The following HCN1 variants were observed in gnomAD, a reference collection of about 807,000 sequenced individuals.
The protein encoded by HCN1 is potassium/sodium hyperpolarization-activated cyclic nucleotide-gated channel 1.
In HCN1, 13 loss-of-function variants were observed where a neutral mutation model predicts 78.9. That is an observed-to-expected ratio of 0.16 (90% CI 0.11 to 0.26). The LOEUF (loss-of-function observed/expected upper bound fraction) is 0.26, where lower values mean the gene tolerates loss of function less well. Among genes scored for constraint, HCN1 ranks in the 10% least tolerant of loss-of-function variants. HCN1 has a pLI of 1.00. For missense variants in HCN1, 810 were observed against 1,154.3 expected, an observed-to-expected ratio of 0.70 and a Z score of 4.32; for synonymous variants, 552 against 455.5, an observed-to-expected ratio of 1.21 and a Z score of -2.70.
chr5:45,594,101 C>A (rs578025542), intron 2 of HCN1, among the ~76,000 whole-genome samples: 1 of 152,166 alleles, frequency 6.6e-6, no homozygotes, highest in Non-Finnish European at 1.5e-5. Context: ...TGGCAATTTA[C>A]TAAATGGTTT....
At chr5:45,677,533 A>C (rs1161498328) in intron 1 of HCN1, among the ~76,000 whole-genome samples, 2 of 151,854 alleles carry the variant, frequency 1.3e-5, no homozygotes, top group Non-Finnish European at 2.9e-5. Context: ...AAATTCTAGG[A>C]AGTGTGTGTT....
At position 45,349,286 on chromosome 5, in the gene HCN1, C is replaced by A. The variant is rs942975916; in HGVS notation, c.1377+3814G>T. On this transcript the variant is annotated intron_variant, in intron 5 of 7. Transcript: ENST00000303230. ...TCCTGAATGACTACTGGGTACATAACGAAATGAAGGCAGAAATAAAGATGT... is the reference window on the plus strand; with the variant it reads ...TCCTGAATGACTACTGGGTACATAAAGAAATGAAGGCAGAAATAAAGATGT... 7.9e-5 allele frequency among the ~76,000 whole-genome samples: 12 copies of A among 152,014 alleles called. 1 individual carries two copies. The highest frequency in any genetic ancestry group is 1.5e-4 in the Non-Finnish European group (10 of 67,998).
At chr5:45,270,995 G>T (rs1203055138) in intron 6 of HCN1, among the ~76,000 whole-genome samples, 1 of 151,756 alleles carries the variant, frequency 6.6e-6, no homozygotes, top group African/African-American at 2.4e-5. Flanking sequence ...CATAGTATAG[G>T]TACACATTAC....
intron 2 of HCN1, among the ~76,000 whole-genome samples, chr5:45,478,149 G>T (rs1579919375): frequency 6.6e-6 from 1 of 151,614 alleles, no homozygotes; most frequent in East Asian, 1.9e-4. Flanking sequence ...GAGACACTCT[G>T]TCAAAAAAAA....
At chr5:45,523,050 T>G (rs1261077746) in intron 2 of HCN1, among the ~76,000 whole-genome samples, 1 of 143,922 alleles carries the variant, frequency 6.9e-6, no homozygotes, top group Non-Finnish European at 1.5e-5. Context: ...GATGTTCCCC[T>G]TCCTGTGTCC....
chr5:45,334,424 T>C (rs1746410478), intron 5 of HCN1, among the ~76,000 whole-genome samples: 2 of 151,874 alleles, frequency 1.3e-5, no homozygotes, highest in South Asian at 2.1e-4. Flanking sequence ...GAACACACTT[T>C]TTTTTTTCTC....
chr5:45,639,567 T>A (rs1278022309), intron 2 of HCN1, among the ~76,000 whole-genome samples: 1 of 152,170 alleles, frequency 6.6e-6, no homozygotes, highest in Admixed American at 6.5e-5. Flanking sequence ...CATACCATCA[T>A]AAAAATTGAA....
chr5:45,493,898 A>G (rs1356093392), intron 2 of HCN1, among the ~76,000 whole-genome samples: 3 of 151,648 alleles, frequency 2.0e-5, no homozygotes, highest in Admixed American at 6.6e-5. Context: ...ATGATTTCCA[A>G]TTTCATCCAT....
intron 2 of HCN1, among the ~76,000 whole-genome samples, chr5:45,582,044 C>T (rs879718809): frequency 4.6e-5 from 7 of 152,044 alleles, no homozygotes; most frequent in Non-Finnish European, 8.8e-5. Context: ...GTAGGTTTTT[C>T]CAATTCTGTG....
In HCN1 at chr5:45,276,222, A is replaced by C. The variant is rs142869920; in HGVS notation, c.1619-8969T>G. Among the ~76,000 whole-genome samples the C allele has an allele frequency of 6.0e-4, 91 of 152,246 alleles. 1 individual carries two copies. The East Asian group carries it at 0.01, about 17-fold the overall frequency. ...GATGCTCTCTCTTTCTCACACACAC[A>C]CACACCACATGCACACATGATAAAA... is the stretch of plus-strand genomic sequence containing the variant. On this transcript the variant is annotated intron_variant, in intron 6 of 7. Coordinates refer to ENST00000303230, the MANE Select transcript of HCN1 (RefSeq NM_021072.4).
At chr5:45,431,100 T>C (rs988669729) in intron 3 of HCN1, among the ~76,000 whole-genome samples, 4 of 152,178 alleles carry the variant, frequency 2.6e-5, no homozygotes, top group Non-Finnish European at 2.9e-5. Flanking sequence ...TTTACCAGCA[T>C]CTGTTATTTT....
At chr5:45,267,613 C>T (rs369576891) in intron 6 of HCN1, among the ~76,000 whole-genome samples, 1 of 151,958 alleles carries the variant, frequency 6.6e-6, no homozygotes, top group East Asian at 1.9e-4. Flanking sequence ...ACTAAAAATA[C>T]AAAAATTAGC....
chr5:45,667,298 C>T (rs527311926), intron 1 of HCN1, among the ~76,000 whole-genome samples: 1 of 152,040 alleles, frequency 6.6e-6, no homozygotes, highest in East Asian at 1.9e-4. Flanking sequence ...CCATGCTGGT[C>T]CTGGTGGGTA....
intron 4 of HCN1, among the ~76,000 whole-genome samples, chr5:45,380,161 G>T (rs1261792347): frequency 6.6e-6 from 1 of 152,066 alleles, no homozygotes; most frequent in Admixed American, 6.6e-5. Context: ...GACATCAGCA[G>T]ATTCAGTGCC....
chr5:45,637,197 ATATT>A (rs1218106751), intron 2 of HCN1, among the ~76,000 whole-genome samples: 1 of 152,150 alleles, frequency 6.6e-6, no homozygotes, highest in African/African-American at 2.4e-5. Context: ...GAAAGTGGCC[ATATT>A]TAGTGTGCTT....
At chr5:45,374,174 T>C (rs1212256470) in intron 4 of HCN1, among the ~76,000 whole-genome samples, 3 of 115,494 alleles carry the variant, frequency 2.6e-5, no homozygotes, top group Non-Finnish European at 3.5e-5. Context: ...ATACATAATA[T>C]ATATTATATA....
chr5:45,376,877 C>A (rs1163813236), intron 4 of HCN1, among the ~76,000 whole-genome samples: 1 of 151,916 alleles, frequency 6.6e-6, no homozygotes, highest in Non-Finnish European at 1.5e-5. Context: ...ATTATGATTT[C>A]TTAGAAGATT....
At chr5:45,495,772 C>T (rs1742012348) in intron 2 of HCN1, among the ~76,000 whole-genome samples, 2 of 152,172 alleles carry the variant, frequency 1.3e-5, no homozygotes, top group South Asian at 4.2e-4. Context: ...TGAAATACGT[C>T]CCATGAATAC....
intron 2 of HCN1, among the ~76,000 whole-genome samples, chr5:45,554,440 A>T (rs1319796294): frequency 6.6e-6 from 1 of 151,810 alleles, no homozygotes; most frequent in Non-Finnish European, 1.5e-5. Flanking sequence ...TTAATGAAAA[A>T]ATAAATGTAA....
Sources: allele counts gnomAD v4.1 joint callset (sites outside exome capture counted in the v4.1 genomes callset), GRCh38; gene constraint gnomAD v4.1.1; transcripts MANE v1.5; gene names NCBI Gene and HGNC (gene_info 2026-07-23, HGNC 2026-07-21).